LMBRD1: variants seen among roughly 807,000 people sequenced by gnomAD.
LMBRD1 encodes the protein lysosomal cobalamin transport escort protein LMBD1.
In LMBRD1, 64 loss-of-function variants were observed where a neutral mutation model predicts 74.8. The ratio of observed to expected loss-of-function variants is 0.86; its 90% CI spans 0.70 to 1.05. The LOEUF (loss-of-function observed/expected upper bound fraction) is 1.05, where lower values mean the gene tolerates loss of function less well. Ranked by LOEUF, LMBRD1 falls within the 50% of genes least tolerant of loss-of-function variation. The probability of loss-of-function intolerance (pLI) is 0.00; values close to 1 mark genes in which losing one functional copy is unlikely to be tolerated. For synonymous variants in LMBRD1, 204 were observed against 216.3 expected, an observed-to-expected ratio of 0.94 and a Z score of 0.50; for missense variants, 652 against 645.9, an observed-to-expected ratio of 1.01 and a Z score of -0.10.
At chr6:69,764,387 A>G (rs1389670238) in intron 3 of LMBRD1, among the ~76,000 whole-genome samples, 2 of 152,072 alleles carry the variant, frequency 1.3e-5, no homozygotes, top group Non-Finnish European at 2.9e-5. Flanking sequence ...GAAGGCAGCT[A>G]GCTATCTATA....
At chr6:69,779,063 G>A (rs1268810156) in intron 3 of LMBRD1, among the ~76,000 whole-genome samples, 2 of 151,886 alleles carry the variant, frequency 1.3e-5, no homozygotes, top group Admixed American at 6.6e-5. Context: ...GTGTGTGCCT[G>A]TAATCCCAGC....
intron 9 of LMBRD1, among the ~76,000 whole-genome samples, chr6:69,710,073 G>T: frequency 6.6e-6 from 1 of 151,730 alleles, no homozygotes; most frequent in Admixed American, 6.6e-5. Flanking sequence ...TTTGAAAAAG[G>T]AAAATAAAAC....
intron 3 of LMBRD1, 97 bp downstream of exon 3, chr6:69,780,397 G>C: frequency 1.1e-6 from 1 of 887,936 alleles, no homozygotes; most frequent in African/African-American, 1.7e-5. Flanking sequence ...TTTCTAATTC[G>C]ACCCAAGAGG....
rs780025532 is a variant in LMBRD1 at position 69,676,134 on chromosome 6, T to G, written c.*24A>C. Reference sequence around the variant, plus strand: ...CATAACAGATATTCAGTCAGCATTATAAAACCTTTAAGACAGAAGGCTGTC... The same window carrying G: ...CATAACAGATATTCAGTCAGCATTAGAAAACCTTTAAGACAGAAGGCTGTC... On this transcript the variant is annotated 3_prime_UTR_variant, in exon 16 of 16. Transcript: ENST00000649934. The G allele has an allele frequency of 6.4e-7, 1 of 1,563,988 alleles. No individual in the cohort carries two copies. The highest frequency in any genetic ancestry group is 8.8e-7 in the Non-Finnish European group (1 of 1,134,834).
intron 3 of LMBRD1, among the ~76,000 whole-genome samples, chr6:69,780,124 T>C (rs1765798371): frequency 6.7e-6 from 1 of 150,180 alleles, no homozygotes; most frequent in African/African-American, 2.4e-5. Context: ...GTCCTTTTTT[T>C]TTTTTTTTTT....
intron 3 of LMBRD1, among the ~76,000 whole-genome samples, chr6:69,767,219 C>T (rs1015326877): frequency 1.3e-5 from 2 of 151,240 alleles, no homozygotes; most frequent in African/African-American, 4.9e-5. Context: ...TTGATGTCTG[C>T]TCTAACCTTT....
At chr6:69,741,758 T>C in intron 6 of LMBRD1, 31 bp downstream of exon 6, 1 of 1,251,384 alleles carries the variant, frequency 8.0e-7, no homozygotes, top group Non-Finnish European at 1.2e-6. Flanking sequence ...AAATATAAAC[T>C]ACTATGTTTT....
chr6:69,710,437 A>T (rs573445236), intron 9 of LMBRD1, among the ~76,000 whole-genome samples: 1 of 152,298 alleles, frequency 6.6e-6, no homozygotes, highest in East Asian at 1.9e-4. Flanking sequence ...TAGGATAGAC[A>T]AACATTTCTG....
chr6:69,768,413 C>A (rs1765512203), intron 3 of LMBRD1, among the ~76,000 whole-genome samples: 1 of 151,834 alleles, frequency 6.6e-6, no homozygotes, highest in African/African-American at 2.4e-5. Context: ...TAATTTATCA[C>A]AATTTACCTT....
At chr6:69,694,969 T>C (rs1487692200) in intron 14 of LMBRD1, among the ~76,000 whole-genome samples, 1 of 152,138 alleles carries the variant, frequency 6.6e-6, no homozygotes, top group African/African-American at 2.4e-5. Context: ...CCTGAGCTCA[T>C]CCTTTATAGC....
intron 9 of LMBRD1, among the ~76,000 whole-genome samples, chr6:69,709,205 G>C (rs1331320240): frequency 6.6e-6 from 1 of 151,608 alleles, no homozygotes; most frequent in Non-Finnish European, 1.5e-5. Flanking sequence ...TTGGACTCCA[G>C]CCTGGGCAAC....
intron 3 of LMBRD1, among the ~76,000 whole-genome samples, chr6:69,763,422 A>T (rs1320962533): frequency 1.3e-5 from 2 of 152,172 alleles, no homozygotes; most frequent in Non-Finnish European, 2.9e-5. Flanking sequence ...CAGCAGAAAC[A>T]CTGCCAGTTT....
At position 69,796,959 on chromosome 6, in the gene LMBRD1, T is replaced by C; in HGVS notation, c.-78A>G. ...GGGAAAGGGGAGAGAGCGCGAGATA[T>C]ACTGCACCCGCGCACCCTAAAGGTT... On this transcript the variant is annotated 5_prime_UTR_variant, in exon 1 of 16. Transcript: ENST00000649934. 2 of 1,250,002 alleles carry C rather than the reference T, an allele frequency of 1.6e-6. No individual in the cohort carries two copies. Among genetic ancestry groups the C allele is most frequent in the Non-Finnish European group, 2.3e-6 (2 of 868,098 alleles). The allele number at this position is 1,250,002 out of a possible 1,614,324, so 77.4% of individuals were successfully genotyped here. A position where few individuals can be genotyped will look rare whatever the true frequency, so the allele number is the denominator to read the frequency against.
chr6:69,721,041 A>G (rs1766603242), intron 7 of LMBRD1, among the ~76,000 whole-genome samples: 1 of 152,230 alleles, frequency 6.6e-6, no homozygotes, highest in Non-Finnish European at 1.5e-5. Flanking sequence ...CATAGAAGGA[A>G]CATTTGCACC....
At chr6:69,784,162 T>G (rs1765895436) in intron 2 of LMBRD1, among the ~76,000 whole-genome samples, 1 of 152,226 alleles carries the variant, frequency 6.6e-6, no homozygotes, top group African/African-American at 2.4e-5. Flanking sequence ...TTGATATGTT[T>G]TATAAACTAT....
rs528834824 is a variant in LMBRD1, at chr6:69,797,009, G to C, written c.-128C>G. On this transcript the variant is annotated 5_prime_UTR_variant, in exon 1 of 16. Coordinates refer to ENST00000649934, the MANE Select transcript of LMBRD1 (RefSeq NM_018368.4). The stretch of plus-strand genomic sequence containing the variant: ...TAAAGGGGCGGAGGGGGAGGAGCAA[G>C]TGGTTGCCAAGGAGACTGGACCCAC... 1.2e-6 allele frequency: 1 copy of C among 820,252 alleles called. No individual in the cohort carries two copies. Among genetic ancestry groups the C allele is most frequent in the East Asian group, 2.7e-5 (1 of 37,492 alleles). 50.8% of individuals were successfully genotyped at this position (820,252 alleles called of 1,614,324 possible).
Position 69,780,531 on chromosome 6 carries a change from G to C in LMBRD1, c.270C>G (p.Ser90Arg). The part of the protein sequence containing the change: ...TFKDWANANV[S>R]RQIEDTVLYG... ...ATAATACAGTGTCCTCAATCTGTCT[G>C]CTGACATTAGCATTAGCCCAGTCCT... The change falls in exon 3 of 16, where the codon AGC becomes AGG. Residue 90 changes from serine (S) to arginine (R), a missense_variant. Transcript: ENST00000649934. 1 of 1,608,752 alleles carries C rather than the reference G, an allele frequency of 6.2e-7. No homozygotes were observed. Among genetic ancestry groups the C allele is most frequent in the Non-Finnish European group, 8.5e-7 (1 of 1,175,392 alleles).
chr6:69,768,105 G>A (rs1457769297), intron 3 of LMBRD1, among the ~76,000 whole-genome samples: 3 of 151,830 alleles, frequency 2.0e-5, no homozygotes, highest in South Asian at 2.1e-4. Flanking sequence ...TAGACAACAC[G>A]TTGACGAATC....
At chr6:69,723,855 AAAAG>A (rs1766669019) in intron 7 of LMBRD1, among the ~76,000 whole-genome samples, 1 of 151,982 alleles carries the variant, frequency 6.6e-6, no homozygotes, top group Non-Finnish European at 1.5e-5. Flanking sequence ...AAAACAATAA[AAAAG>A]ATAGATGAAA....
Sources: allele counts gnomAD v4.1 joint callset (sites outside exome capture counted in the v4.1 genomes callset), GRCh38; gene constraint gnomAD v4.1.1; transcripts MANE v1.5; gene names NCBI Gene and HGNC (gene_info 2026-07-23, HGNC 2026-07-21).